Variants in SLC35F1 observed in about 807,000 individuals in gnomAD.
SLC35F1 encodes solute carrier family 35 member F1.
In SLC35F1, 14 loss-of-function variants were observed where a neutral mutation model predicts 48.7. The ratio of observed to expected loss-of-function variants is 0.29; its 90% CI spans 0.19 to 0.45. The LOEUF is 0.45. SLC35F1 is among the 20% of genes least tolerant of loss of function. The probability of loss-of-function intolerance (pLI) is 1.00; values close to 1 mark genes in which losing one functional copy is unlikely to be tolerated. For synonymous variants in SLC35F1, 190 were observed against 202.2 expected (o/e 0.94, Z 0.51); for missense variants, 404 against 500.0 (o/e 0.81, Z 1.83).
intron 3 of SLC35F1, among the ~76,000 whole-genome samples, chr6:118,242,111 A>G (rs1484138240): frequency 6.6e-6 from 1 of 152,222 alleles, no homozygotes; most frequent in African/African-American, 2.4e-5. Flanking sequence ...GCTGGGTCAT[A>G]TGGTAAGTGC....
At chr6:118,057,281 A>G (rs1772475759) in intron 1 of SLC35F1, among the ~76,000 whole-genome samples, 1 of 152,170 alleles carries the variant, frequency 6.6e-6, no homozygotes, top group Non-Finnish European at 1.5e-5. Context: ...AGGCTTTGAT[A>G]TAGGCTTTAA....
chr6:117,996,560 G>A (rs2114862402), intron 1 of SLC35F1, among the ~76,000 whole-genome samples: 1 of 152,252 alleles, frequency 6.6e-6, no homozygotes, highest in Admixed American at 6.5e-5. Context: ...ACCTCACACG[G>A]CCGGGTACTC....
chr6:118,069,427 C>G (rs536412793), intron 1 of SLC35F1, among the ~76,000 whole-genome samples: 1 of 152,100 alleles, frequency 6.6e-6, no homozygotes, highest in Non-Finnish European at 1.5e-5. Flanking sequence ...AGAGAAGAAT[C>G]AGATGTATTA....
intron 3 of SLC35F1, among the ~76,000 whole-genome samples, chr6:118,253,044 G>A (rs1383292537): frequency 1.3e-5 from 2 of 152,140 alleles, no homozygotes; most frequent in African/African-American, 4.8e-5. Flanking sequence ...TGGCTGTGGA[G>A]TTCAGGAGAT....
At chr6:118,128,905 A>T (rs1773669768) in intron 1 of SLC35F1, among the ~76,000 whole-genome samples, 1 of 152,174 alleles carries the variant, frequency 6.6e-6, no homozygotes, top group African/African-American at 2.4e-5. Context: ...TTTATCTTTG[A>T]AGCTCAGTGT....
At chr6:118,050,004 G>A (rs1189063886) in intron 1 of SLC35F1, among the ~76,000 whole-genome samples, 2 of 152,096 alleles carry the variant, frequency 1.3e-5, no homozygotes, top group Admixed American at 6.6e-5. Flanking sequence ...AGAAAATGTG[G>A]CACATATACA....
chr6:118,101,747 G>C, intron 1 of SLC35F1, among the ~76,000 whole-genome samples: 1 of 152,300 alleles, frequency 6.6e-6, no homozygotes, highest in East Asian at 1.9e-4. Flanking sequence ...GGCTCGAAGG[G>C]AAGCATGCTA....
intron 7 of SLC35F1, among the ~76,000 whole-genome samples, chr6:118,304,957 A>G (rs1049964363): frequency 3.3e-5 from 2 of 60,016 alleles, no homozygotes; most frequent in African/African-American, 1.7e-4. Flanking sequence ...AAACTTACAC[A>G]GAGAGAAATT....
Position 118,314,539 on chromosome 6 carries a change from A to G in SLC35F1, c.*287A>G. ...TGAATCAAAAGCAAGTATTATTGTT[A>G]TTATGATTTGTATTATTATTATTGC... On this transcript the variant is annotated 3_prime_UTR_variant, in exon 8 of 8. Transcript: ENST00000360388. The G allele has an allele frequency of 2.5e-6, 1 of 405,906 alleles. No individual in the cohort carries two copies. Among genetic ancestry groups the G allele is most frequent in the Admixed American group, 3.7e-5 (1 of 27,348 alleles). The allele number at this position is 405,906 out of a possible 1,614,324, so 25.1% of individuals were successfully genotyped here.
At chr6:118,143,417 T>G (rs1773921460) in intron 1 of SLC35F1, among the ~76,000 whole-genome samples, 1 of 152,206 alleles carries the variant, frequency 6.6e-6, no homozygotes, top group African/African-American at 2.4e-5. Context: ...TTATTAAGTG[T>G]GAGAACTAGA....
chr6:118,129,042 C>T (rs1353564038), intron 1 of SLC35F1, among the ~76,000 whole-genome samples: 3 of 152,030 alleles, frequency 2.0e-5, no homozygotes, highest in African/African-American at 4.8e-5. Context: ...TGAGTGTCCC[C>T]TATGTGAGAG....
rs1029182608 is a variant in SLC35F1, at chr6:118,044,415, G to A, written c.174-110030G>A. On this transcript the variant is annotated intron_variant, in intron 1 of 7. Coordinates refer to ENST00000360388, the MANE Select transcript of SLC35F1 (RefSeq NM_001029858.4). ...CTCTCTCCGTTTCTCTGAACTCTTG[G>A]CATCTGTTATATCTGCATGAAATCA... 3.3e-5 allele frequency among the ~76,000 whole-genome samples: 5 copies of A among 152,104 alleles called. No individual in the cohort carries two copies. The East Asian group carries it at 9.7e-4, about 29-fold the overall frequency.
At chr6:117,970,115 T>G (rs745988695) in intron 1 of SLC35F1, among the ~76,000 whole-genome samples, 3 of 152,230 alleles carry the variant, frequency 2.0e-5, no homozygotes, top group Non-Finnish European at 4.4e-5. Context: ...ATGCTGAGGT[T>G]GTTGTAATCA....
At chr6:118,290,929 G>A (rs574796981) in intron 7 of SLC35F1, among the ~76,000 whole-genome samples, 2 of 151,978 alleles carry the variant, frequency 1.3e-5, no homozygotes, top group East Asian at 3.9e-4. Flanking sequence ...TAAGTAGCTG[G>A]GACTACAGGC....
chr6:117,928,366 A>G, intron 1 of SLC35F1, among the ~76,000 whole-genome samples: 1 of 152,136 alleles, frequency 6.6e-6, no homozygotes, highest in East Asian at 1.9e-4. Flanking sequence ...CTGTATCCAG[A>G]GCCTTGGCTT....
chr6:118,053,511 A>G (rs1343549158), intron 1 of SLC35F1, among the ~76,000 whole-genome samples: 1 of 152,154 alleles, frequency 6.6e-6, no homozygotes, highest in African/African-American at 2.4e-5. Context: ...CCCTAATCCT[A>G]TTATCCTGAT....
At chr6:118,092,373 T>G (rs1345949616) in intron 1 of SLC35F1, among the ~76,000 whole-genome samples, 1 of 152,172 alleles carries the variant, frequency 6.6e-6, no homozygotes, top group Non-Finnish European at 1.5e-5. Flanking sequence ...CCACCTAGAT[T>G]TCAGAGGATG....
rs376319743 is a variant in SLC35F1 at position 117,949,662 on chromosome 6, A to C, written c.173+41763A>C. On this transcript the variant is annotated intron_variant, in intron 1 of 7. Transcript: ENST00000360388. Reference sequence around the variant, plus strand: ...TTTTCATCATGTAATTATCGCCTTCAGGTTGGACACAGTTTGAATATGTTA... The same window carrying C: ...TTTTCATCATGTAATTATCGCCTTCCGGTTGGACACAGTTTGAATATGTTA... Among the ~76,000 whole-genome samples, 10 of 152,236 alleles carry C rather than the reference A, an allele frequency of 6.6e-5. No individual in the cohort carries two copies. The East Asian group carries it at 1.5e-3, about 24-fold the overall frequency.
intron 7 of SLC35F1, among the ~76,000 whole-genome samples, chr6:118,296,248 C>T (rs1188144470): frequency 6.6e-6 from 1 of 152,170 alleles, no homozygotes. Flanking sequence ...ACCCATAAAC[C>T]CAAAATAGTT....
Sources: gnomAD v4.1 joint callset for allele counts (sites outside exome capture counted in the v4.1 genomes callset) on GRCh38, gnomAD v4.1.1 for gene constraint, MANE v1.5 for transcripts, NCBI Gene and HGNC (gene_info 2026-07-23, HGNC 2026-07-21) for gene names.